METTL8: variants seen among roughly 807,000 people sequenced by gnomAD.
The protein encoded by METTL8 is tRNA N(3)-cytidine methyltransferase METTL8, mitochondrial.
In METTL8, 32 loss-of-function variants were observed where a neutral mutation model predicts 48.7. The ratio of observed to expected loss-of-function variants is 0.66; its 90% confidence interval spans 0.50 to 0.88. The LOEUF is 0.88. Ranked by LOEUF, METTL8 falls within the 40% of genes least tolerant of loss-of-function variation. METTL8 has a pLI of 0.00. For missense variants in METTL8, 464 were observed against 474.4 expected, an observed-to-expected ratio of 0.98 and a Z score of 0.20; for synonymous variants, 136 against 157.1, an observed-to-expected ratio of 0.87 and a Z score of 1.01.
chr2:171,319,801 G>A lies in METTL8; in HGVS notation c.*4371C>T, dbSNP rs1356894878. The A allele has an allele frequency of 1.3e-5, 2 of 152,130 alleles. No individual in the cohort carries two copies. Among genetic ancestry groups the A allele is most frequent in the Non-Finnish European group, 2.9e-5 (2 of 68,026 alleles). 9.4% of individuals were successfully genotyped at this position (152,130 alleles called of 1,614,324 possible). On this transcript the variant is annotated 3_prime_UTR_variant, in exon 10 of 10. Coordinates refer to ENST00000375258, the MANE Select transcript of METTL8 (RefSeq NM_001321154.2). ...TGTGTGAGAATTTTTACATTTGGAC[G>A]ATGCTCAAAAGTGAATTTTTAGAAA...
intron 2 of METTL8, among the ~76,000 whole-genome samples, chr2:171,366,611 G>C (rs552797164): frequency 2.6e-4 from 39 of 152,174 alleles, no homozygotes; most frequent in Non-Finnish European, 4.1e-4. Context: ...TATGTTGAAA[G>C]ATTTAAAGAA....
chr2:171,318,593 G>T lies in METTL8; in HGVS notation c.*5579C>A, dbSNP rs1433528588. On this transcript the variant is annotated 3_prime_UTR_variant, in exon 10 of 10. Transcript: ENST00000375258. ...CTAGGCAGAAGCAGAATGCTGAAAA[G>T]AACTGATTGAAAGCTTTTTGCTTTG... is the stretch of plus-strand genomic sequence containing the variant. The T allele has an allele frequency of 6.6e-6, 1 of 152,218 alleles. No homozygotes were observed. The highest frequency in any genetic ancestry group is 1.5e-5 in the Non-Finnish European group (1 of 68,046). 9.4% of individuals were successfully genotyped at this position (152,218 alleles called of 1,614,324 possible).
At chr2:171,386,136 G>T (rs1303344116) in intron 2 of METTL8, among the ~76,000 whole-genome samples, 1 of 152,108 alleles carries the variant, frequency 6.6e-6, no homozygotes, top group Non-Finnish European at 1.5e-5. Context: ...AAATCAGTAG[G>T]CAAGAATCTC....
chr2:171,386,568 G>T (rs1396033261), intron 2 of METTL8, among the ~76,000 whole-genome samples: 1 of 152,076 alleles, frequency 6.6e-6, no homozygotes. Flanking sequence ...GTGCGAGACC[G>T]GCCTGGCCAA....
chr2:171,403,356 A>G (rs901210854), intron 1 of METTL8, among the ~76,000 whole-genome samples: 25 of 152,120 alleles, frequency 1.6e-4, no homozygotes, highest in African/African-American at 5.1e-4. Flanking sequence ...CAGTCTAATC[A>G]TAAGAAAACT....
intron 2 of METTL8, among the ~76,000 whole-genome samples, chr2:171,363,367 C>G (rs1024887697): frequency 6.6e-6 from 1 of 152,066 alleles, no homozygotes; most frequent in Non-Finnish European, 1.5e-5. Flanking sequence ...CAAAACCCAA[C>G]AGCTGACAAT....
rs1433935021 is a variant in METTL8 at position 171,317,956 on chromosome 2, A to G, written c.*6216T>C. 6.6e-6 allele frequency: 1 copy of G among 152,056 alleles called. No homozygotes were observed. The highest frequency in any genetic ancestry group is 2.4e-5 in the African/African-American group (1 of 41,390). The allele number at this position is 152,056 out of a possible 1,614,324, so 9.4% of individuals were successfully genotyped here. On this transcript the variant is annotated 3_prime_UTR_variant, in exon 10 of 10. Coordinates refer to ENST00000375258, the MANE Select transcript of METTL8 (RefSeq NM_001321154.2). Reference sequence around the variant, plus strand: ...GCACTTGCTTTTTCAATCTGATGCTATTTTTCTTACCCTCTGTAGGCACTC... The same window carrying G: ...GCACTTGCTTTTTCAATCTGATGCTGTTTTTCTTACCCTCTGTAGGCACTC...
intron 3 of METTL8, among the ~76,000 whole-genome samples, chr2:171,357,820 G>T (rs952852965): frequency 6.6e-6 from 1 of 151,878 alleles, no homozygotes; most frequent in African/African-American, 2.4e-5. Flanking sequence ...GCAGCCCCCT[G>T]AGTAGCTGGG....
rs985882988 is a variant in METTL8, at chr2:171,373,404, T to C, written c.144-12891A>G. Among the ~76,000 whole-genome samples, 832 of 152,284 alleles carry C rather than the reference T, an allele frequency of 5.5e-3. 11 individuals carry two copies. The highest frequency in any genetic ancestry group is 0.019 in the African/African-American group (787 of 41,578). ...AGCCCTCTGTCAGATGGGTAGATTG[T>C]AAAAATTTTCTCCCATTCTGTAGGT... On this transcript the variant is annotated intron_variant, in intron 2 of 9. Transcript: ENST00000375258.
At chr2:171,388,380 C>T (rs984586741) in intron 2 of METTL8, among the ~76,000 whole-genome samples, 2 of 152,170 alleles carry the variant, frequency 1.3e-5, no homozygotes, top group African/African-American at 2.4e-5. Context: ...CCATGCACAT[C>T]TTAAACCTAC....
chr2:171,415,349 CTT>C (rs762739077), intron 1 of METTL8, among the ~76,000 whole-genome samples: 28 of 112,360 alleles, frequency 2.5e-4, no homozygotes, highest in African/African-American at 7.0e-4. Flanking sequence ...ATCTCGAAAT[CTT>C]TTTTTTTTTT....
chr2:171,334,031 G>GT (rs1166723766), intron 5 of METTL8, among the ~76,000 whole-genome samples: 1 of 151,894 alleles, frequency 6.6e-6, no homozygotes, highest in East Asian at 1.9e-4. Flanking sequence ...AAAGGAGATT[G>GT]TTTTTGCCTT....
intron 5 of METTL8, chr2:171,332,792 A>ATAAG (rs1685674520): frequency 6.6e-6 from 1 of 152,210 alleles, no homozygotes; most frequent in Admixed American, 6.5e-5. Flanking sequence ...ACCCTGAGGT[A>ATAAG]TAAGTCTTAA....
At chr2:171,390,109 A>C (rs1688451229) in intron 2 of METTL8, among the ~76,000 whole-genome samples, 1 of 152,048 alleles carries the variant, frequency 6.6e-6, no homozygotes, top group East Asian at 1.9e-4. Flanking sequence ...ATTATACTGA[A>C]TCTACTCTGC....
chr2:171,386,596 T>C (rs1688072190), intron 2 of METTL8, among the ~76,000 whole-genome samples: 1 of 152,006 alleles, frequency 6.6e-6, no homozygotes. Context: ...AAACCTTGTC[T>C]CTACAAAAAA....
intron 1 of METTL8, among the ~76,000 whole-genome samples, chr2:171,416,494 T>G (rs1436217245): frequency 2.0e-5 from 3 of 152,220 alleles, no homozygotes; most frequent in Admixed American, 2.0e-4. Flanking sequence ...AAATTTTCCA[T>G]CAAGAGCATT....
intron 3 of METTL8, among the ~76,000 whole-genome samples, chr2:171,347,869 G>C (rs78825515): frequency 2.0e-5 from 3 of 152,278 alleles, no homozygotes; most frequent in Non-Finnish European, 1.5e-5. Context: ...CAAAGACTTC[G>C]TGGTTGAAGC....
intron 3 of METTL8, among the ~76,000 whole-genome samples, chr2:171,350,278 C>A (rs985641645): frequency 6.6e-6 from 1 of 152,194 alleles, no homozygotes; most frequent in Non-Finnish European, 1.5e-5. Flanking sequence ...CACGTCCCTA[C>A]AAAGGACATG....
At chr2:171,388,853 T>C (rs974932846) in intron 2 of METTL8, among the ~76,000 whole-genome samples, 1 of 152,232 alleles carries the variant, frequency 6.6e-6, no homozygotes, top group Non-Finnish European at 1.5e-5. Flanking sequence ...TCAGTGATCT[T>C]TGATGTTACT....
Sources: gnomAD v4.1 joint callset for allele counts (sites outside exome capture counted in the v4.1 genomes callset) on GRCh38, gnomAD v4.1.1 for gene constraint, MANE v1.5 for transcripts, NCBI Gene and HGNC (gene_info 2026-07-23, HGNC 2026-07-21) for gene names.